GRK3: variants seen among roughly 807,000 people sequenced by gnomAD.
GRK3 encodes G protein-coupled receptor kinase 3.
Under a neutral mutation model 95.7 loss-of-function variants are expected in GRK3, and 54 were observed. The ratio of observed to expected loss-of-function variants is 0.56; its 90% CI spans 0.45 to 0.71. GRK3 has a LOEUF of 0.71. Ranked by LOEUF, GRK3 falls within the 30% of genes least tolerant of loss-of-function variation. GRK3 has a pLI of 0.00. For missense variants in GRK3, 649 were observed against 851.2 expected, an observed-to-expected ratio of 0.76 and a Z score of 2.96; for synonymous variants, 281 against 290.8, an observed-to-expected ratio of 0.97 and a Z score of 0.34.
At chr22:25,677,377 T>TAAAAAAAAAAAAAAAAA in intron 8 of GRK3, among the ~76,000 whole-genome samples, 1 of 42,554 alleles carries the variant, frequency 2.3e-5, no homozygotes, top group Non-Finnish European at 4.3e-5. Context: ...CCCCATATCT[T>TAAAAAAAAAAAAAAAAA]AAAAAAAAAA....
chr22:25,705,048 G>A (rs1000310535), intron 15 of GRK3, among the ~76,000 whole-genome samples: 5 of 152,136 alleles, frequency 3.3e-5, no homozygotes, highest in African/African-American at 4.8e-5. Flanking sequence ...TCATACATAT[G>A]TGTATGTATT....
At chr22:25,600,448 AG>A (rs1428520469) in intron 1 of GRK3, among the ~76,000 whole-genome samples, 3 of 152,202 alleles carry the variant, frequency 2.0e-5, no homozygotes, top group African/African-American at 7.2e-5. Flanking sequence ...CCATGTCTGC[AG>A]GTTGCATCTG....
At chr22:25,602,763 A>T (rs1220520401) in intron 1 of GRK3, among the ~76,000 whole-genome samples, 1 of 152,184 alleles carries the variant, frequency 6.6e-6, no homozygotes, top group African/African-American at 2.4e-5. Flanking sequence ...GCATGAATCT[A>T]TGTTATTAGA....
intron 15 of GRK3, 30 bp from the exon 16 acceptor site, chr22:25,709,868 T>TC (rs1453025600): frequency 3.9e-6 from 6 of 1,556,098 alleles, no homozygotes; most frequent in Non-Finnish European, 5.3e-6. Flanking sequence ...AAATGCATAC[T>TC]CAGCACTGTT....
At chr22:25,600,598 T>A (rs1420028048) in intron 1 of GRK3, among the ~76,000 whole-genome samples, 1 of 152,230 alleles carries the variant, frequency 6.6e-6, no homozygotes, top group Non-Finnish European at 1.5e-5. Flanking sequence ...TTAGGTCTTA[T>A]AAGTAATCTA....
chr22:25,605,621 A>G (rs531113328), intron 2 of GRK3, among the ~76,000 whole-genome samples: 1 of 152,378 alleles, frequency 6.6e-6, no homozygotes, highest in Non-Finnish European at 1.5e-5. Context: ...TTGAAAGTAA[A>G]CAGTTGAGTG....
intron 2 of GRK3, among the ~76,000 whole-genome samples, chr22:25,619,877 A>G (rs2084568454): frequency 6.6e-6 from 1 of 151,938 alleles, no homozygotes. Flanking sequence ...TGAGGTAGCT[A>G]CTTGTTGCCA....
At chr22:25,663,011 T>G (rs1284703725) in intron 4 of GRK3, among the ~76,000 whole-genome samples, 7 of 152,092 alleles carry the variant, frequency 4.6e-5, no homozygotes, top group Admixed American at 4.6e-4. Context: ...ATCCTGACAT[T>G]AATTCTTAGG....
At chr22:25,626,018 T>C (rs1484587182) in intron 2 of GRK3, among the ~76,000 whole-genome samples, 2 of 152,134 alleles carry the variant, frequency 1.3e-5, no homozygotes, top group Non-Finnish European at 2.9e-5. Context: ...GTGGTAGTGG[T>C]CCCCTGGGCC....
chr22:25,650,366 A>G (rs947185571), intron 3 of GRK3, among the ~76,000 whole-genome samples: 2 of 152,178 alleles, frequency 1.3e-5, no homozygotes, highest in Non-Finnish European at 2.9e-5. Flanking sequence ...GTACTATCCA[A>G]TCCAAGGGGA....
intron 1 of GRK3, among the ~76,000 whole-genome samples, chr22:25,583,376 T>C (rs1932174888): frequency 6.8e-6 from 1 of 147,168 alleles, no homozygotes; most frequent in African/African-American, 2.6e-5. Flanking sequence ...TTTTTTTTTC[T>C]TAGTTACTGT....
chr22:25,602,509 G>C (rs566792099), intron 1 of GRK3, among the ~76,000 whole-genome samples: 1 of 152,226 alleles, frequency 6.6e-6, no homozygotes, highest in African/African-American at 2.4e-5. Context: ...CCCATAAAAA[G>C]ACTTATACAT....
At chr22:25,607,711 G>C (rs1302052515) in intron 2 of GRK3, among the ~76,000 whole-genome samples, 4 of 151,880 alleles carry the variant, frequency 2.6e-5, no homozygotes, top group Non-Finnish European at 4.4e-5. Context: ...TGAGTGGCTG[G>C]GATTACAGGT....
chr22:25,684,375 A>C (rs571674209), intron 9 of GRK3: 1 of 152,332 alleles, frequency 6.6e-6, no homozygotes, highest in East Asian at 1.9e-4. Flanking sequence ...CCAACTTGTC[A>C]ATTTTCATTT....
Position 25,672,347 on chromosome 22 carries a change from T to C in GRK3, c.555T>C (p.His185=). 6.9e-7 allele frequency: 1 copy of C among 1,446,434 alleles called. No homozygotes were observed. The highest frequency in any genetic ancestry group is 1.2e-5 in the South Asian group (1 of 81,912). 89.6% of individuals were successfully genotyped at this position (1,446,434 alleles called of 1,614,324 possible). The change falls in exon 7 of 21, where the codon CAT becomes CAC. Residue 185 remains histidine (H), a splice_region_variant and synonymous_variant. Coordinates refer to ENST00000324198, the MANE Select transcript of GRK3 (RefSeq NM_005160.4). ...GGAAAAACGTTGAATTAAATATCCA[T>C]GTGAGTATCATCTTTTTCTTTTTTC... The part of the protein sequence containing the change: ...CQWKNVELNI[H]LTMNEFSVHR...
At chr22:25,576,313 T>C (rs1202444365) in intron 1 of GRK3, among the ~76,000 whole-genome samples, 2 of 152,204 alleles carry the variant, frequency 1.3e-5, no homozygotes, top group African/African-American at 4.8e-5. Context: ...TGGCTTACGC[T>C]GGATGTCCAG....
At chr22:25,711,858 G>A (rs879833351) in intron 17 of GRK3, among the ~76,000 whole-genome samples, 2 of 152,032 alleles carry the variant, frequency 1.3e-5, no homozygotes, top group Non-Finnish European at 2.9e-5. Flanking sequence ...ACAAACCCGC[G>A]TTGCCTTCCC....
intron 2 of GRK3, among the ~76,000 whole-genome samples, chr22:25,611,266 G>A (rs1226784516): frequency 2.0e-5 from 3 of 152,136 alleles, no homozygotes; most frequent in African/African-American, 7.2e-5. Context: ...TGTTTATAGA[G>A]CAATGCTACC....
At chr22:25,670,505 A>C (rs1401344783) in intron 6 of GRK3, among the ~76,000 whole-genome samples, 1 of 150,626 alleles carries the variant, frequency 6.6e-6, no homozygotes, top group Non-Finnish European at 1.5e-5. Flanking sequence ...TGTCTCCAAA[A>C]GAAAAAAAAA....
Sources: allele counts gnomAD v4.1 joint callset (sites outside exome capture counted in the v4.1 genomes callset), GRCh38; gene constraint gnomAD v4.1.1; transcripts MANE v1.5; gene names NCBI Gene and HGNC (gene_info 2026-07-23, HGNC 2026-07-21).